GGACT: variants seen among roughly 807,000 people sequenced by gnomAD.
The protein encoded by GGACT is gamma-glutamylamine cyclotransferase.
For missense variants in GGACT, 241 were observed against 233.2 expected (o/e 1.03, Z -0.22); for synonymous variants, 118 against 115.3 (o/e 1.02, Z -0.15).
chr13:100,530,223 T>C lies in GGACT; in HGVS notation c.*1907A>G. ...TTAATTAGCCATTTGCATGATGCTT[T>C]CACACACAATTGATTCAAGCATTAT... On this transcript the variant is annotated 3_prime_UTR_variant, in exon 3 of 3. Coordinates refer to ENST00000683975, the MANE Select transcript of GGACT (RefSeq NM_001195087.2). 7.7e-7 allele frequency: 1 copy of C among 1,299,854 alleles called. No homozygotes were observed. Among genetic ancestry groups the C allele is most frequent in the Non-Finnish European group, 1.1e-6 (1 of 901,630 alleles). 80.5% of individuals were successfully genotyped at this position (1,299,854 alleles called of 1,614,324 possible).
chr13:100,551,070 A>G (rs1037065162), intron 2 of GGACT, among the ~76,000 whole-genome samples: 1 of 152,076 alleles, frequency 6.6e-6, no homozygotes, highest in African/African-American at 2.4e-5. Flanking sequence ...GGATCATGAG[A>G]TCAGGAGATT....
At chr13:100,577,468 A>G (rs1875286827) in intron 2 of GGACT, among the ~76,000 whole-genome samples, 1 of 139,692 alleles carries the variant, frequency 7.2e-6, no homozygotes, top group Non-Finnish European at 1.6e-5. Context: ...AAAAGAAAGG[A>G]AATTGGGATA....
At chr13:100,559,791 G>A (rs767759235) in intron 2 of GGACT, among the ~76,000 whole-genome samples, 4 of 152,168 alleles carry the variant, frequency 2.6e-5, no homozygotes, top group African/African-American at 7.2e-5. Context: ...TACCACAGCC[G>A]GCTGATAGGA....
At chr13:100,577,454 A>AAATAAATAAATAAAT (rs1566539342) in intron 2 of GGACT, among the ~76,000 whole-genome samples, 2 of 82,064 alleles carry the variant, frequency 2.4e-5, no homozygotes, top group African/African-American at 7.8e-5. Flanking sequence ...AATAAATAAA[A>AAATAAATAAATAAAT]AGAAAAAGAA....
rs1482912413 is a variant in GGACT, at chr13:100,542,891, T to C, written c.-10-10290A>G. ...CTGTCACTTATTCAGCAGTTCTCCT[T>C]CTTGAAACGCAGTCCGTCTATAGTT... On this transcript the variant is annotated intron_variant, in intron 2 of 2. Coordinates refer to ENST00000683975, the MANE Select transcript of GGACT (RefSeq NM_001195087.2). 2.0e-5 allele frequency among the ~76,000 whole-genome samples: 3 copies of C among 152,194 alleles called. No individual in the cohort carries two copies. In the East Asian group the frequency reaches 5.8e-4, roughly 29 times the overall value.
intron 2 of GGACT, among the ~76,000 whole-genome samples, chr13:100,542,028 CAG>C (rs989261610): frequency 6.6e-6 from 1 of 152,180 alleles, no homozygotes; most frequent in African/African-American, 2.4e-5. Context: ...ACAACACACA[CAG>C]ATCCTAACAG....
chr13:100,546,468 A>G (rs2088605804), intron 2 of GGACT, among the ~76,000 whole-genome samples: 2 of 97,234 alleles, frequency 2.1e-5, no homozygotes, highest in Non-Finnish European at 4.1e-5. Flanking sequence ...CTGATATTGT[A>G]CAACATAAAC....
intron 2 of GGACT, among the ~76,000 whole-genome samples, chr13:100,549,949 C>A (rs2088641465): frequency 6.6e-6 from 1 of 152,148 alleles, no homozygotes; most frequent in African/African-American, 2.4e-5. Flanking sequence ...TATAAATTAT[C>A]TTGTTCCCAA....
intron 2 of GGACT, among the ~76,000 whole-genome samples, chr13:100,555,901 T>C (rs1182385471): frequency 6.6e-6 from 1 of 152,138 alleles, no homozygotes; most frequent in East Asian, 1.9e-4. Flanking sequence ...ACGATCTCAA[T>C]AAATACAGGG....
At chr13:100,553,664 TGA>T (rs1173364551) in intron 2 of GGACT, among the ~76,000 whole-genome samples, 1 of 152,036 alleles carries the variant, frequency 6.6e-6, no homozygotes, top group Non-Finnish European at 1.5e-5. Flanking sequence ...GCCAATAATG[TGA>T]AAGCTCATCT....
chr13:100,541,409 A>G (rs1594184553), intron 2 of GGACT, among the ~76,000 whole-genome samples: 3 of 151,872 alleles, frequency 2.0e-5, no homozygotes, highest in Admixed American at 6.6e-5. Flanking sequence ...CCTCCTATTT[A>G]CCCCAAAGAG....
chr13:100,568,372 G>A (rs1471224818), intron 2 of GGACT, among the ~76,000 whole-genome samples: 1 of 152,208 alleles, frequency 6.6e-6, no homozygotes, highest in Non-Finnish European at 1.5e-5. Flanking sequence ...TGGCAGAAGG[G>A]GAACCAAACA....
chr13:100,547,502 C>T (rs1484730659), intron 2 of GGACT, among the ~76,000 whole-genome samples: 3 of 152,174 alleles, frequency 2.0e-5, no homozygotes, highest in South Asian at 2.1e-4. Flanking sequence ...AATGAGCTCA[C>T]GGGAGGCAGG....
chr13:100,532,768 C>T (rs2088433552), intron 2 of GGACT, among the ~76,000 whole-genome samples, 167 bp from the exon 3 acceptor site: 1 of 152,262 alleles, frequency 6.6e-6, no homozygotes, highest in African/African-American at 2.4e-5. Flanking sequence ...GAATGACCTA[C>T]AGTTTTCACA....
rs528289845 is a variant in GGACT, at chr13:100,581,760, A to T, written c.-11+2065T>A. Among the ~76,000 whole-genome samples the T allele has an allele frequency of 2.6e-5, 4 of 152,328 alleles. No individual in the cohort carries two copies. In the East Asian group the frequency reaches 7.7e-4, roughly 29 times the overall value. On this transcript the variant is annotated intron_variant, in intron 2 of 2. Coordinates refer to ENST00000683975, the MANE Select transcript of GGACT (RefSeq NM_001195087.2). ...CTGCCAATCACTATTTCAGTCAGGT[A>T]ATCAAGATCAACAGCAAAAGAGAGA...
intron 2 of GGACT, among the ~76,000 whole-genome samples, chr13:100,563,245 C>T (rs2088781467): frequency 6.6e-6 from 1 of 152,134 alleles, no homozygotes; most frequent in Non-Finnish European, 1.5e-5. Context: ...TGACATGCAT[C>T]CACTGATCCA....
intron 2 of GGACT, chr13:100,533,660 G>C (rs940190993): frequency 6.6e-6 from 1 of 152,226 alleles, no homozygotes; most frequent in Non-Finnish European, 1.5e-5. Context: ...ACACCTTCTG[G>C]TGTTTCCCCT....
At chr13:100,582,749 T>C (rs1875456515) in intron 2 of GGACT, among the ~76,000 whole-genome samples, 2 of 152,198 alleles carry the variant, frequency 1.3e-5, no homozygotes, top group African/African-American at 4.8e-5. Context: ...ATACACATAT[T>C]TTTAATTAAA....
intron 2 of GGACT, among the ~76,000 whole-genome samples, chr13:100,563,077 A>G (rs554724494): frequency 6.6e-6 from 1 of 152,294 alleles, no homozygotes; most frequent in East Asian, 1.9e-4. Context: ...GGACTTCTGA[A>G]CCACTAGAAC....
Sources: gnomAD v4.1 joint callset for allele counts (sites outside exome capture counted in the v4.1 genomes callset) on GRCh38, gnomAD v4.1.1 for gene constraint, MANE v1.5 for transcripts, NCBI Gene and HGNC (gene_info 2026-07-23, HGNC 2026-07-21) for gene names.